The following RGS7 variants were observed in gnomAD, a reference collection of about 807,000 sequenced individuals.
RGS7 encodes the protein regulator of G-protein signaling 7.
RGS7 carries 27 observed loss-of-function variants against 81.1 expected under a neutral mutation model. That is an observed-to-expected ratio of 0.33 (90% CI 0.25 to 0.46). RGS7 has a LOEUF of 0.46. Among genes scored for constraint, RGS7 ranks in the 20% least tolerant of loss-of-function variants. The pLI is 1.00. For synonymous variants in RGS7, 208 were observed against 207.7 expected (o/e 1.00, Z -0.01); for missense variants, 396 against 607.4 (o/e 0.65, Z 3.66).
At chr1:240,803,054 T>C (rs1688268383) in intron 15 of RGS7, 61 bp from the exon 16 acceptor site, 1 of 1,151,212 alleles carries the variant, frequency 8.7e-7, no homozygotes, top group Admixed American at 1.7e-5. Context: ...TAAAATATCA[T>C]GATGTCACAC....
intron 2 of RGS7, among the ~76,000 whole-genome samples, chr1:241,291,804 G>A (rs879256160): frequency 6.6e-6 from 1 of 151,964 alleles, no homozygotes; most frequent in Admixed American, 6.5e-5. Context: ...TCGAACTCCT[G>A]ACCTCAGGTG....
At chr1:240,794,272 G>C (rs1257134033) in intron 18 of RGS7, among the ~76,000 whole-genome samples, 1 of 152,146 alleles carries the variant, frequency 6.6e-6, no homozygotes, top group East Asian at 1.9e-4. Context: ...TTGTGGTAGA[G>C]ATTGATATCA....
chr1:241,066,554 C>T lies in RGS7; in HGVS notation c.175+32112G>A, dbSNP rs75801904. 4.0e-3 allele frequency among the ~76,000 whole-genome samples: 605 copies of T among 152,288 alleles called. 5 individuals carry two copies. Among genetic ancestry groups the T allele is most frequent in the African/African-American group, 0.014 (572 of 41,556 alleles). On this transcript the variant is annotated intron_variant, in intron 3 of 18. Coordinates refer to ENST00000440928, the MANE Select transcript of RGS7 (RefSeq NM_001364886.1). The stretch of plus-strand genomic sequence containing the variant: ...TATATACAATTAGCAACACTGTGTG[C>T]TCAACGTGTCTTTCTTAAGTTCTTG...
intron 3 of RGS7, among the ~76,000 whole-genome samples, chr1:241,068,083 T>C (rs866810302): frequency 3.3e-5 from 5 of 150,846 alleles, no homozygotes; most frequent in Middle Eastern, 3.2e-3. Flanking sequence ...ACACATGAGT[T>C]TTCCTGCTGA....
chr1:240,905,396 G>A (rs1001298899), intron 6 of RGS7, among the ~76,000 whole-genome samples: 2 of 152,146 alleles, frequency 1.3e-5, no homozygotes, highest in African/African-American at 4.8e-5. Flanking sequence ...AAGAAGCAGC[G>A]ACAGGTAGGC....
At position 241,041,451 on chromosome 1, in the gene RGS7, G is replaced by C. The variant is rs370070729; in HGVS notation, c.175+57215C>G. The stretch of plus-strand genomic sequence containing the variant: ...CTTATGGCCCTGGGCAGGAGTACAG[G>C]CACTTTCTCTCATGAGTATTTTACA... On this transcript the variant is annotated intron_variant, in intron 3 of 18. Transcript: ENST00000440928. Among the ~76,000 whole-genome samples, 38 of 152,030 alleles carry C rather than the reference G, an allele frequency of 2.5e-4. No individual in the cohort carries two copies. In the East Asian group the frequency reaches 7.2e-3, roughly 29 times the overall value.
At chr1:240,977,749 G>A (rs1426663989) in intron 4 of RGS7, among the ~76,000 whole-genome samples, 1 of 152,106 alleles carries the variant, frequency 6.6e-6, no homozygotes, top group Non-Finnish European at 1.5e-5. Flanking sequence ...GTGAGAAGGC[G>A]GCACAACACT....
intron 3 of RGS7, among the ~76,000 whole-genome samples, chr1:241,096,328 C>T (rs1279060898): frequency 1.7e-4 from 26 of 152,008 alleles, no homozygotes; most frequent in Admixed American, 1.7e-3. Context: ...CTAGAAAAGA[C>T]TGAAAACTTC....
At chr1:240,997,755 C>T (rs1468081884) in intron 3 of RGS7, among the ~76,000 whole-genome samples, 13 of 152,184 alleles carry the variant, frequency 8.5e-5, no homozygotes, top group Admixed American at 8.5e-4. Context: ...ATCCAGGAGA[C>T]AGAGGTTGCA....
intron 3 of RGS7, among the ~76,000 whole-genome samples, chr1:240,994,964 C>T (rs1040560302): frequency 6.6e-6 from 1 of 152,244 alleles, no homozygotes; most frequent in Middle Eastern, 3.4e-3. Flanking sequence ...GCATGAACCA[C>T]AGCACCTGGC....
At chr1:241,058,843 T>G (rs1307439819) in intron 3 of RGS7, among the ~76,000 whole-genome samples, 3 of 152,098 alleles carry the variant, frequency 2.0e-5, no homozygotes, top group Non-Finnish European at 4.4e-5. Flanking sequence ...TTTCTGAGAG[T>G]GTGTGATTCA....
chr1:241,224,020 G>T (rs1243171551), intron 2 of RGS7, among the ~76,000 whole-genome samples: 2 of 148,092 alleles, frequency 1.4e-5, no homozygotes, highest in Non-Finnish European at 3.0e-5. Context: ...AAAAAAAAGT[G>T]TTTTATAAAA....
intron 2 of RGS7, among the ~76,000 whole-genome samples, chr1:241,258,273 A>G (rs1302823698): frequency 5.3e-5 from 8 of 152,158 alleles, no homozygotes; most frequent in Non-Finnish European, 4.4e-5. Context: ...AGAGACCTAG[A>G]CTTAATGTAG....
chr1:241,174,512 C>T (rs2070961594), intron 2 of RGS7, among the ~76,000 whole-genome samples: 1 of 152,228 alleles, frequency 6.6e-6, no homozygotes, highest in African/African-American at 2.4e-5. Flanking sequence ...CTAAAGCACA[C>T]ATTTATTTTT....
intron 2 of RGS7, among the ~76,000 whole-genome samples, chr1:241,212,886 C>T (rs779243951): frequency 1.6e-4 from 25 of 152,252 alleles, no homozygotes; most frequent in Non-Finnish European, 2.5e-4. Context: ...GGCCACAGCT[C>T]CGGTTAGATG....
At chr1:240,988,657 G>A (rs1686013903) in intron 3 of RGS7, among the ~76,000 whole-genome samples, 1 of 152,116 alleles carries the variant, frequency 6.6e-6, no homozygotes, top group Admixed American at 6.5e-5. Flanking sequence ...ACATCTGAGG[G>A]TTCAACAAAG....
chr1:241,316,317 A>G (rs943655420), intron 2 of RGS7, among the ~76,000 whole-genome samples: 7 of 152,174 alleles, frequency 4.6e-5, no homozygotes, highest in Admixed American at 4.6e-4. Context: ...GCCACTGAAG[A>G]CCAGCTCAAC....
At chr1:241,131,318 T>A (rs1410278051) in intron 2 of RGS7, among the ~76,000 whole-genome samples, 2 of 152,206 alleles carry the variant, frequency 1.3e-5, no homozygotes, top group Non-Finnish European at 2.9e-5. Flanking sequence ...GAGGATGTTA[T>A]TTCACTCTTT....
chr1:241,228,918 C>T (rs750363134), intron 2 of RGS7, among the ~76,000 whole-genome samples: 9 of 152,072 alleles, frequency 5.9e-5, no homozygotes, highest in South Asian at 2.1e-4. Context: ...ATCGTACTAA[C>T]GTTAATTACC....
Sources: gnomAD v4.1 joint callset for allele counts (sites outside exome capture counted in the v4.1 genomes callset) on GRCh38, gnomAD v4.1.1 for gene constraint, MANE v1.5 for transcripts, NCBI Gene and HGNC (gene_info 2026-07-23, HGNC 2026-07-21) for gene names.